The following EFNA5 variants were observed in gnomAD, a reference collection of about 807,000 sequenced individuals.
EFNA5 encodes the protein ephrin A5, also known as ephrin-A5.
In EFNA5, 5 loss-of-function variants were observed where a neutral mutation model predicts 22.9. The ratio of observed to expected loss-of-function variants is 0.22; its 90% CI spans 0.11 to 0.46. EFNA5 has a LOEUF of 0.46. Ranked by LOEUF, EFNA5 falls within the 20% of genes least tolerant of loss-of-function variation. The probability of loss-of-function intolerance (pLI) is 0.99; values close to 1 mark genes in which losing one functional copy is unlikely to be tolerated. For synonymous variants in EFNA5, 113 were observed against 112.2 expected (o/e 1.01, Z -0.04); for missense variants, 237 against 293.3 (o/e 0.81, Z 1.40).
intron 1 of EFNA5, among the ~76,000 whole-genome samples, chr5:107,561,261 T>A (rs1380791579): frequency 6.6e-6 from 1 of 152,164 alleles, no homozygotes; most frequent in East Asian, 1.9e-4. Flanking sequence ...GAAATAGCCA[T>A]AAAATGCAAT....
intron 4 of EFNA5, among the ~76,000 whole-genome samples, chr5:107,386,755 C>T (rs542721274): frequency 6.6e-6 from 1 of 152,180 alleles, no homozygotes; most frequent in African/African-American, 2.4e-5. Flanking sequence ...TTCAATGATG[C>T]ATGTAAATTT....
chr5:107,394,221 C>G (rs538560690), intron 2 of EFNA5, among the ~76,000 whole-genome samples: 1 of 152,304 alleles, frequency 6.6e-6, no homozygotes, highest in East Asian at 1.9e-4. Context: ...ATGGTGCCAC[C>G]CCAGGAGCTA....
At chr5:107,398,543 G>A (rs1333577452) in intron 2 of EFNA5, among the ~76,000 whole-genome samples, 1 of 151,666 alleles carries the variant, frequency 6.6e-6, no homozygotes, top group Non-Finnish European at 1.5e-5. Context: ...ATTATTGTAG[G>A]GATTTAAAAA....
intron 1 of EFNA5, among the ~76,000 whole-genome samples, chr5:107,430,237 A>G (rs1748912122): frequency 6.6e-6 from 1 of 152,226 alleles, no homozygotes; most frequent in African/African-American, 2.4e-5. Context: ...AAGACACTGC[A>G]AAGTTCAGAT....
At chr5:107,402,940 T>A (rs1748122597) in intron 2 of EFNA5, among the ~76,000 whole-genome samples, 1 of 152,164 alleles carries the variant, frequency 6.6e-6, no homozygotes, top group African/African-American at 2.4e-5. Flanking sequence ...TGGGGATACG[T>A]AGGCTACTGC....
Position 107,403,076 on chromosome 5 carries a change from A to G in EFNA5, c.419-15305T>C, listed in dbSNP as rs184052338. 4.8e-3 allele frequency among the ~76,000 whole-genome samples: 738 copies of G among 152,328 alleles called. 7 individuals are homozygous for G. Among genetic ancestry groups the G allele is most frequent in the African/African-American group, 0.017 (709 of 41,572 alleles). On this transcript the variant is annotated intron_variant, in intron 2 of 4. Coordinates refer to ENST00000333274, the MANE Select transcript of EFNA5 (RefSeq NM_001962.3). ...GGGGGAAGTGCCACAGCTGTGCCAG[A>G]GACTGGAAAACTCAAGATGCGCATG...
intron 2 of EFNA5, among the ~76,000 whole-genome samples, chr5:107,399,109 G>A (rs1400312336): frequency 6.6e-6 from 1 of 152,028 alleles, no homozygotes; most frequent in Non-Finnish European, 1.5e-5. Context: ...AATTCAAGTA[G>A]GTAGCATTTC....
chr5:107,454,492 A>C (rs2112449816), intron 1 of EFNA5, among the ~76,000 whole-genome samples: 1 of 152,224 alleles, frequency 6.6e-6, no homozygotes, highest in East Asian at 1.9e-4. Context: ...CCAGTCTCTC[A>C]GTTTTGTGCA....
At chr5:107,480,944 A>G (rs1750442758) in intron 1 of EFNA5, among the ~76,000 whole-genome samples, 1 of 152,212 alleles carries the variant, frequency 6.6e-6, no homozygotes. Flanking sequence ...AATAAGAAGT[A>G]TGTTAGGTAG....
intron 1 of EFNA5, among the ~76,000 whole-genome samples, chr5:107,551,688 T>C (rs891302124): frequency 6.6e-6 from 1 of 152,148 alleles, no homozygotes; most frequent in South Asian, 2.1e-4. Flanking sequence ...AGGAAACAAA[T>C]GATCAAAGTG....
rs1292992308 is a variant in EFNA5 at position 107,381,374 on chromosome 5, C to T, written c.568G>A (p.Asp190Asn). ...GGCTCGGCTGACTCATGTACGGTGT[C>T]ATCTGTTCAAATAGAAAGCACACAT... is the stretch of plus-strand genomic sequence containing the variant. ...KVENSLEPAD[D>N]TVHESAEPSR... Residue 190 changes from aspartate (D) to asparagine (N), a missense_variant and splice_region_variant, in exon 5 of 5, where the codon GAC (aspartate) becomes AAC (asparagine). Around this residue, in one of 3 missense-constraint regions of EFNA5, gnomAD observed 104 missense variants for 114.5 expected, o/e 0.91. Transcript: ENST00000333274. 1.2e-6 allele frequency: 2 copies of T among 1,609,868 alleles called. No homozygotes were observed. Among genetic ancestry groups the T allele is most frequent in the East Asian group, 4.5e-5 (2 of 44,682 alleles).
chr5:107,578,401 G>A (rs923652326), intron 1 of EFNA5, among the ~76,000 whole-genome samples: 10 of 152,136 alleles, frequency 6.6e-5, no homozygotes, highest in African/African-American at 2.4e-4. Flanking sequence ...TTTCGGGCAA[G>A]GAGTAACTGC....
At chr5:107,422,634 C>A (rs929477052) in intron 2 of EFNA5, among the ~76,000 whole-genome samples, 1 of 152,200 alleles carries the variant, frequency 6.6e-6, no homozygotes, top group Non-Finnish European at 1.5e-5. Context: ...GGAGGGCTGG[C>A]AGCTGAGTAG....
chr5:107,558,249 CCA>C (rs1348747367), intron 1 of EFNA5, among the ~76,000 whole-genome samples: 1 of 152,062 alleles, frequency 6.6e-6, no homozygotes, highest in Non-Finnish European at 1.5e-5. Context: ...CTACATAATG[CCA>C]CACAGATTAT....
At chr5:107,579,536 G>C (rs1260214591) in intron 1 of EFNA5, among the ~76,000 whole-genome samples, 1 of 139,946 alleles carries the variant, frequency 7.1e-6, no homozygotes. Flanking sequence ...GTCTTAAAAA[G>C]AAAAAAGAAA....
chr5:107,448,862 TAAATAAATA>T (rs1426571248), intron 1 of EFNA5, among the ~76,000 whole-genome samples: 10 of 111,704 alleles, frequency 9.0e-5, no homozygotes, highest in African/African-American at 4.2e-4. Flanking sequence ...AATAAATAAA[TAAATAAATA>T]AAATAAAATA....
chr5:107,527,717 A>G (rs534874899), intron 1 of EFNA5, among the ~76,000 whole-genome samples: 6 of 152,310 alleles, frequency 3.9e-5, no homozygotes, highest in African/African-American at 1.4e-4. Context: ...TCTCATGCAC[A>G]TTATCTTATT....
chr5:107,664,015 C>T (rs1053384762), intron 1 of EFNA5, among the ~76,000 whole-genome samples: 8 of 152,072 alleles, frequency 5.3e-5, no homozygotes, highest in African/African-American at 1.9e-4. Context: ...ACTACTGTCT[C>T]TCAGCAACTA....
At chr5:107,415,100 C>T (rs115369829) in intron 2 of EFNA5, among the ~76,000 whole-genome samples, 1,589 of 152,208 alleles carry the variant, frequency 0.01, 33 homozygotes, top group African/African-American at 0.037. Flanking sequence ...GACCTGTTTG[C>T]ATTTCAGTTT....
Sources: allele counts gnomAD v4.1 joint callset (sites outside exome capture counted in the v4.1 genomes callset), GRCh38; gene constraint gnomAD v4.1.1; regional missense constraint gnomAD v4.1.1; transcripts MANE v1.5; gene names NCBI Gene and HGNC (gene_info 2026-07-23, HGNC 2026-07-21).